Variants in FGF13 observed in about 807,000 individuals in gnomAD.
FGF13 encodes the protein fibroblast growth factor homologous factor 2.
A neutral mutation model predicts 19.5 loss-of-function variants in FGF13; 2 were observed. The ratio of observed to expected loss-of-function variants is 0.10; its 90% CI spans 0.04 to 0.32. The LOEUF (loss-of-function observed/expected upper bound fraction) is 0.32. FGF13 is among the 10% of genes least tolerant of loss of function. The pLI is 1.00. For synonymous variants in FGF13, 72 were observed against 76.9 expected, an observed-to-expected ratio of 0.94 and a Z score of 0.33; for missense variants, 113 against 192.7, an observed-to-expected ratio of 0.59 and a Z score of 2.45.
chrX:139,107,645 G>A (rs1020657130), intron 1 of FGF13, among the ~76,000 whole-genome samples: 6 of 110,545 alleles, frequency 5.4e-5, no homozygotes, highest in Non-Finnish European at 1.1e-4. Flanking sequence ...ATGCAAGAGG[G>A]ATGACTTTGA....
chrX:138,780,308 A>G (rs2090627898), intron 3 of FGF13, among the ~76,000 whole-genome samples: 1 of 102,072 alleles, frequency 9.8e-6, no homozygotes, highest in African/African-American at 3.7e-5. Context: ...AAATTCACAC[A>G]TAACACTATT....
chrX:139,027,041 T>G (rs933277221), intron 1 of FGF13, among the ~76,000 whole-genome samples: 3 of 112,059 alleles, frequency 2.7e-5, no homozygotes, highest in African/African-American at 9.7e-5. Flanking sequence ...TAACTCCTCT[T>G]TTTTGGCTGT....
At chrX:138,984,244 C>T (rs1267189908) in intron 1 of FGF13, among the ~76,000 whole-genome samples, 1 of 109,420 alleles carries the variant, frequency 9.1e-6, no homozygotes, top group African/African-American at 3.3e-5. Flanking sequence ...CTCATCTTTA[C>T]TAAAAATACA....
At chrX:139,135,295 G>T (rs760581971) in intron 1 of FGF13, among the ~76,000 whole-genome samples, 9 of 111,524 alleles carry the variant, frequency 8.1e-5, no homozygotes, top group Non-Finnish European at 1.5e-4. Context: ...ATTTGTTCAA[G>T]ATTCTAGTAT....
upstream of FGF13, among the ~76,000 whole-genome samples, chrX:138,711,865 G>T (rs1311912998): frequency 9.4e-6 from 1 of 106,004 alleles, no homozygotes; most frequent in African/African-American, 3.5e-5. Flanking sequence ...ACCTGTAGGG[G>T]CTTCCGCACT....
chrX:138,732,067 A>G (rs2090236196), intron 1 of FGF13, among the ~76,000 whole-genome samples: 1 of 111,614 alleles, frequency 9.0e-6, no homozygotes, highest in Non-Finnish European at 1.9e-5. Context: ...GAATGAATAG[A>G]ATGAAAATAA....
At chrX:138,826,311 G>A (rs2124076755) in intron 3 of FGF13, among the ~76,000 whole-genome samples, 1 of 111,875 alleles carries the variant, frequency 8.9e-6, no homozygotes, top group South Asian at 3.7e-4. Flanking sequence ...AATTCCATTA[G>A]ACAACATATG....
At chrX:139,162,724 G>A (rs1237972226) in intron 1 of FGF13, among the ~76,000 whole-genome samples, 1 of 112,043 alleles carries the variant, frequency 8.9e-6, no homozygotes, top group African/African-American at 3.2e-5. Flanking sequence ...ATCAAAAAGT[G>A]GGCAAAAGAT....
chrX:139,051,207 T>A (rs1377966188), intron 1 of FGF13, among the ~76,000 whole-genome samples: 1 of 112,158 alleles, frequency 8.9e-6, no homozygotes, highest in East Asian at 2.8e-4. Context: ...GGTAGGTCAT[T>A]CATCACTGGG....
At chrX:139,061,774 G>A (rs1417468478) in intron 1 of FGF13, among the ~76,000 whole-genome samples, 1 of 110,602 alleles carries the variant, frequency 9.0e-6, no homozygotes, top group Non-Finnish European at 1.9e-5. Flanking sequence ...AGGGTATGAA[G>A]TGGTATCTTA....
intron 3 of FGF13, among the ~76,000 whole-genome samples, chrX:138,763,140 G>C (rs2090479226): frequency 9.1e-6 from 1 of 110,428 alleles, no homozygotes; most frequent in Non-Finnish European, 1.9e-5. Context: ...TATACACCAA[G>C]ATAATACATA....
At chrX:138,951,751 G>C (rs987010514) in intron 1 of FGF13, among the ~76,000 whole-genome samples, 1 of 111,812 alleles carries the variant, frequency 8.9e-6, no homozygotes, top group Non-Finnish European at 1.9e-5. Flanking sequence ...TGGCAAAGAT[G>C]TGGTGCATAC....
At chrX:139,061,889 G>A (rs1024116931) in intron 1 of FGF13, among the ~76,000 whole-genome samples, 2 of 111,020 alleles carry the variant, frequency 1.8e-5, no homozygotes, top group African/African-American at 6.6e-5. Context: ...GACTATTCAA[G>A]TCCCTTGCCC....
At chrX:138,808,564 T>A (rs1196645531) in intron 3 of FGF13, among the ~76,000 whole-genome samples, 1 of 111,053 alleles carries the variant, frequency 9.0e-6, no homozygotes, top group African/African-American at 3.3e-5. Context: ...ATTCGAAAGC[T>A]AGCAGAAGGC....
At chrX:139,195,244 G>A (rs2084362960) in intron 1 of FGF13, among the ~76,000 whole-genome samples, 1 of 111,622 alleles carries the variant, frequency 9.0e-6, no homozygotes, top group Non-Finnish European at 1.9e-5. Context: ...ACCTTGTCCT[G>A]TTTCCAAGAG....
intron 1 of FGF13, among the ~76,000 whole-genome samples, chrX:139,164,532 A>AAT (rs35275656): frequency 0.065 from 7,054 of 109,119 alleles, 514 homozygotes; most frequent in African/African-American, 0.21. Context: ...TCACTACAAA[A>AAT]TAACAAATTT....
chrX:138,809,227 T>C (rs1255553708), intron 3 of FGF13, among the ~76,000 whole-genome samples: 1 of 111,701 alleles, frequency 9.0e-6, no homozygotes, highest in South Asian at 3.8e-4. Flanking sequence ...TCCAGCAGTA[T>C]ATCAAAAAGC....
At chrX:139,155,680 C>T (rs1225721180) in intron 1 of FGF13, among the ~76,000 whole-genome samples, 1 of 112,292 alleles carries the variant, frequency 8.9e-6, no homozygotes, top group Non-Finnish European at 1.9e-5. Context: ...CTGGCCACAA[C>T]ACAGGAGACT....
At chrX:139,117,524 T>C (rs2083648071) in intron 1 of FGF13, among the ~76,000 whole-genome samples, 1 of 111,406 alleles carries the variant, frequency 9.0e-6, no homozygotes. Context: ...ACTTAAAGGG[T>C]CCTGCTACAT....
Sources: allele counts gnomAD v4.1 joint callset (sites outside exome capture counted in the v4.1 genomes callset), GRCh38; gene constraint gnomAD v4.1.1; transcripts MANE v1.5; gene names NCBI Gene and HGNC (gene_info 2026-07-23, HGNC 2026-07-21).